The following ATP2C1 variants were observed in gnomAD, a reference collection of about 807,000 sequenced individuals.
ATP2C1 encodes ATPase secretory pathway Ca2+ transporting 1.
ATP2C1 carries 31 observed loss-of-function variants against 120.5 expected under a neutral mutation model. The observed-to-expected ratio is 0.26, with a 90% CI of 0.19 to 0.35. The LOEUF is 0.35. Among genes scored for constraint, ATP2C1 ranks in the 10% least tolerant of loss-of-function variants. The pLI, the probability that ATP2C1 is intolerant of heterozygous loss-of-function variation, is 1.00. For missense variants in ATP2C1, 731 were observed against 1,107.5 expected (o/e 0.66, Z 4.83); for synonymous variants, 351 against 358.7 (o/e 0.98, Z 0.24).
In ATP2C1 at chr3:130,934,705, C is replaced by A; in HGVS notation, c.318C>A (p.Ile106=). The part of the protein sequence containing the change: ...LMHQFDDAVS[I]TVAILIVVTV... ...ATCAGTTTGATGATGCCGTCAGTATCACTGTGGTAAGAAAAAAATTACATA... is the reference window on the plus strand; with the variant it reads ...ATCAGTTTGATGATGCCGTCAGTATAACTGTGGTAAGAAAAAAATTACATA... The change falls in exon 5 of 28, where the codon ATC becomes ATA. Residue 106 remains isoleucine, a synonymous_variant. Coordinates refer to ENST00000510168, the MANE Select transcript of ATP2C1 (RefSeq NM_001378687.1). 1 of 1,602,570 alleles carries A rather than the reference C, an allele frequency of 6.2e-7. No individual in the cohort carries two copies. The highest frequency in any genetic ancestry group is 8.5e-7 in the Non-Finnish European group (1 of 1,169,738).
At chr3:130,984,430 C>T (rs1034448116) in intron 20 of ATP2C1, among the ~76,000 whole-genome samples, 1 of 152,200 alleles carries the variant, frequency 6.6e-6, no homozygotes, top group African/African-American at 2.4e-5. Flanking sequence ...GAAAAAGTTT[C>T]TGTTTATATT....
At chr3:130,902,054 A>G (rs528009980) in intron 2 of ATP2C1, among the ~76,000 whole-genome samples, 7 of 152,174 alleles carry the variant, frequency 4.6e-5, no homozygotes, top group African/African-American at 1.7e-4. Flanking sequence ...AAGATTGAGA[A>G]ACACTGTTCT....
intron 5 of ATP2C1, among the ~76,000 whole-genome samples, chr3:130,935,041 C>T (rs762785417): frequency 8.5e-5 from 13 of 152,080 alleles, no homozygotes; most frequent in Non-Finnish European, 1.8e-4. Context: ...TTATGTTGCC[C>T]AGGCTGGTCT....
chr3:130,965,024 T>G lies in ATP2C1; in HGVS notation c.1101T>G (p.Thr367=). The G allele has an allele frequency of 1.9e-6, 3 of 1,610,806 alleles. No individual in the cohort carries two copies. Among genetic ancestry groups the G allele is most frequent in the Non-Finnish European group, 2.5e-6 (3 of 1,177,508 alleles). The change falls in exon 14 of 28, where the codon ACT becomes ACG. Residue 367 remains threonine, a synonymous_variant. Coordinates refer to ENST00000510168, the MANE Select transcript of ATP2C1 (RefSeq NM_001378687.1). ...AAATGACTGTTACTCACATATTTAC[T>G]TCAGATGGTCTGCATGCTGAGGTAC... is the stretch of plus-strand genomic sequence containing the variant. The part of the protein sequence containing the change: ...KNEMTVTHIF[T]SDGLHAEVTG...
intron 2 of ATP2C1, among the ~76,000 whole-genome samples, chr3:130,929,103 A>G (rs144378851): frequency 6.6e-6 from 1 of 152,314 alleles, no homozygotes; most frequent in African/African-American, 2.4e-5. Context: ...ATGCTATAAA[A>G]TAATTTCAGT....
At chr3:130,955,343 T>C (rs1427151293) in intron 10 of ATP2C1, among the ~76,000 whole-genome samples, 1 of 152,146 alleles carries the variant, frequency 6.6e-6, no homozygotes, top group Non-Finnish European at 1.5e-5. Context: ...GTAGATCTTA[T>C]TATTTTCAGA....
At chr3:130,910,135 T>C (rs1477093276) in intron 2 of ATP2C1, among the ~76,000 whole-genome samples, 2 of 152,206 alleles carry the variant, frequency 1.3e-5, no homozygotes, top group Non-Finnish European at 2.9e-5. Flanking sequence ...TGTTTTGGTT[T>C]GTAGTTCTCC....
chr3:130,953,816 C>T lies in ATP2C1; in HGVS notation c.532-5C>T. On this transcript the variant is annotated splice_polypyrimidine_tract_variant and splice_region_variant and intron_variant, in intron 8 of 27. Transcript: ENST00000510168. ...TTGAATCTGGGATTCTTTATGTTCC[C>T]TAAGGCTGTGGATCTTTCCATTGAT... The T allele has an allele frequency of 6.2e-7, 1 of 1,613,952 alleles. No homozygotes were observed. The highest frequency in any genetic ancestry group is 8.5e-7 in the Non-Finnish European group (1 of 1,179,910).
upstream of ATP2C1, among the ~76,000 whole-genome samples, chr3:130,891,631 G>T (rs2069170961): frequency 6.6e-6 from 1 of 152,178 alleles, no homozygotes. Flanking sequence ...ATTGTAGCTA[G>T]CTAACACTCC....
Position 130,904,081 on chromosome 3 carries a change from A to G in ATP2C1, c.6+9306A>G, listed in dbSNP as rs186391416. Among the ~76,000 whole-genome samples the G allele has an allele frequency of 2.0e-3, 310 of 152,162 alleles. 1 individual carries two copies. Among genetic ancestry groups the G allele is most frequent in the Non-Finnish European group, 3.5e-3 (239 of 67,944 alleles). ...CTTTACTTTGAGAGGTTTTTCTAAA[A>G]TCTTCTAAAATTATGTTGATTTTTA... On this transcript the variant is annotated intron_variant, in intron 2 of 27. Coordinates refer to ENST00000510168, the MANE Select transcript of ATP2C1 (RefSeq NM_001378687.1).
At chr3:130,864,830 C>T (rs1207883282) in intron 1 of ATP2C1, among the ~76,000 whole-genome samples, 9 of 152,194 alleles carry the variant, frequency 5.9e-5, no homozygotes, top group Non-Finnish European at 8.8e-5. Flanking sequence ...CACCTGGATG[C>T]CCAGGAAAAT....
chr3:130,983,730 T>C (rs1274949136), intron 20 of ATP2C1, among the ~76,000 whole-genome samples: 1 of 152,206 alleles, frequency 6.6e-6, no homozygotes, highest in East Asian at 1.9e-4. Context: ...TAGTTTTGCC[T>C]TTTCCAGAAT....
Position 130,969,385 on chromosome 3 carries a change from C to T in ATP2C1, c.1402C>T (p.Arg468Ter), listed in dbSNP as rs137853013. ...GTGGATGGCTGTTAAGTGTGTACAC[C>T]GAACACAGCAGGTATCCATCTGTTT... Reference protein sequence around the residue: ...QKWMAVKCVHRTQQDRPEICF... With the variant: ...QKWMAVKCVH Residue 468 changes from arginine to a stop codon, truncating the protein, a stop_gained, in exon 17 of 28, where the codon CGA becomes TGA. Transcript: ENST00000510168. LOFTEE classifies it high-confidence loss of function. 1 of 1,611,186 alleles carries T rather than the reference C, an allele frequency of 6.2e-7. No homozygotes were observed. The highest frequency in any genetic ancestry group is 2.2e-5 in the East Asian group (1 of 44,778).
chr3:130,931,252 A>G (rs1576766146), intron 3 of ATP2C1, among the ~76,000 whole-genome samples: 1 of 152,188 alleles, frequency 6.6e-6, no homozygotes, highest in Admixed American at 6.5e-5. Context: ...GGTCAGGGCA[A>G]CTATTTTGGG....
intron 1 of ATP2C1, among the ~76,000 whole-genome samples, chr3:130,861,060 A>T (rs1465060036): frequency 6.6e-6 from 1 of 152,216 alleles, no homozygotes; most frequent in African/African-American, 2.4e-5. Flanking sequence ...AGTTGAGGTC[A>T]GGAGTTCAAA....
At chr3:130,973,891 C>T (rs1478476405) in intron 17 of ATP2C1, among the ~76,000 whole-genome samples, 6 of 151,956 alleles carry the variant, frequency 3.9e-5, no homozygotes, top group Non-Finnish European at 8.8e-5. Context: ...TCCCACACCA[C>T]ACACCCTTTC....
At chr3:130,979,500 T>G in intron 19 of ATP2C1, 81 bp downstream of exon 19, 3 of 1,376,562 alleles carry the variant, frequency 2.2e-6, no homozygotes, top group Non-Finnish European at 3.1e-6. Flanking sequence ...CTATTAGTTA[T>G]GAATATGTTT....
At position 130,993,098 on chromosome 3, in the gene ATP2C1, T is replaced by C. The variant is rs1045943531; in HGVS notation, c.1890+97T>C. 2.5e-5 allele frequency: 26 copies of C among 1,056,212 alleles called. No individual in the cohort carries two copies. In the African/African-American group the frequency reaches 3.5e-4, roughly 14 times the overall value. 65.4% of individuals were successfully genotyped at this position (1,056,212 alleles called of 1,614,324 possible). On this transcript the variant is annotated intron_variant, in intron 21 of 27. Transcript: ENST00000510168. ...CATTACAGGGAGTAGAGCATCAAGG[T>C]CAGAAATACTGTGAAGCAAAACAGT...
chr3:130,865,400 T>C (rs2068139321), intron 1 of ATP2C1, among the ~76,000 whole-genome samples: 1 of 152,142 alleles, frequency 6.6e-6, no homozygotes, highest in African/African-American at 2.4e-5. Context: ...CTGTGGACTT[T>C]TGGGTTAATG....
Sources: gnomAD v4.1 joint callset for allele counts (sites outside exome capture counted in the v4.1 genomes callset) on GRCh38, gnomAD v4.1.1 for gene constraint, MANE v1.5 for transcripts, NCBI Gene and HGNC (gene_info 2026-07-23, HGNC 2026-07-21) for gene names.